SYNPR: variants seen among roughly 807,000 people sequenced by gnomAD.
SYNPR encodes synaptoporin.
A neutral mutation model predicts 32.9 loss-of-function variants in SYNPR; 23 were observed. The ratio of observed to expected loss-of-function variants is 0.70; its 90% CI spans 0.50 to 0.99. SYNPR has a LOEUF of 0.99. SYNPR is among the 50% of genes least tolerant of loss of function. The probability of loss-of-function intolerance (pLI) is 0.00; values close to 1 mark genes in which losing one functional copy is unlikely to be tolerated. For synonymous variants in SYNPR, 146 were observed against 135.9 expected, an observed-to-expected ratio of 1.07 and a Z score of -0.52; for missense variants, 318 against 349.3, an observed-to-expected ratio of 0.91 and a Z score of 0.71.
intron 3 of SYNPR, among the ~76,000 whole-genome samples, chr3:63,504,019 G>A (rs1701537927): frequency 6.6e-6 from 1 of 151,776 alleles, no homozygotes; most frequent in African/African-American, 2.4e-5. Flanking sequence ...GATTTTTATT[G>A]AAAACCTTAC....
At chr3:63,610,324 C>A in intron 5 of SYNPR, 1 of 442,672 alleles carries the variant, frequency 2.3e-6, no homozygotes, top group Non-Finnish European at 4.0e-6. Context: ...AAGAAAGAAG[C>A]TGTATCTGAG....
At chr3:63,308,944 T>G (rs1291789615) in intron 2 of SYNPR, among the ~76,000 whole-genome samples, 2 of 151,968 alleles carry the variant, frequency 1.3e-5, no homozygotes, top group Non-Finnish European at 2.9e-5. Context: ...CCGAATTTCC[T>G]TTTTGCCCTC....
intron 2 of SYNPR, among the ~76,000 whole-genome samples, chr3:63,471,701 G>T (rs1248457442): frequency 3.9e-5 from 6 of 152,150 alleles, no homozygotes; most frequent in Admixed American, 3.9e-4. Flanking sequence ...GGCTACTATT[G>T]AGGTAATCAG....
chr3:63,582,609 T>C (rs1451988136), intron 4 of SYNPR, among the ~76,000 whole-genome samples: 1 of 152,064 alleles, frequency 6.6e-6, no homozygotes, highest in Non-Finnish European at 1.5e-5. Flanking sequence ...TTTATTTTGG[T>C]AAAGGATTTT....
At chr3:63,318,897 G>C (rs1307844503) in intron 2 of SYNPR, among the ~76,000 whole-genome samples, 2 of 152,016 alleles carry the variant, frequency 1.3e-5, no homozygotes, top group African/African-American at 4.8e-5. Flanking sequence ...CTCTGTCAGA[G>C]GGAAGATCTG....
In SYNPR at chr3:63,615,629, C is replaced by A; in HGVS notation, c.*148C>A. ...CTAGTCTTCATTAAGGCAGCAAGTC[C>A]TGGGTTGTGAAAAATGATACTTAGA... On this transcript the variant is annotated 3_prime_UTR_variant, in exon 6 of 6. Coordinates refer to ENST00000478300, the MANE Select transcript of SYNPR (RefSeq NM_001130003.2). 1 of 1,105,398 alleles carries A rather than the reference C, an allele frequency of 9.0e-7. No homozygotes were observed. Among genetic ancestry groups the A allele is most frequent in the Non-Finnish European group, 1.3e-6 (1 of 796,362 alleles). The allele number at this position is 1,105,398 out of a possible 1,614,324, so 68.5% of individuals were successfully genotyped here. A position where few individuals can be genotyped will look rare whatever the true frequency, so the allele number is the denominator to read the frequency against.
At chr3:63,564,495 GGT>G (rs34157684) in intron 4 of SYNPR, among the ~76,000 whole-genome samples, 63,339 of 149,650 alleles carry the variant, frequency 0.42, 13,910 homozygotes, top group African/African-American at 0.56. Flanking sequence ...GTGCCCAGCC[GGT>G]GTGTGTGTGT....
chr3:63,505,366 C>G (rs1472159021), intron 3 of SYNPR, among the ~76,000 whole-genome samples: 1 of 152,188 alleles, frequency 6.6e-6, no homozygotes, highest in African/African-American at 2.4e-5. Flanking sequence ...AAATACCTGG[C>G]TCCAAAACAC....
chr3:63,532,378 CAAT>C (rs1378798021), intron 3 of SYNPR, among the ~76,000 whole-genome samples: 2 of 152,122 alleles, frequency 1.3e-5, no homozygotes, highest in African/African-American at 2.4e-5. Flanking sequence ...TTGCCATGAG[CAAT>C]AATAAGTTTT....
chr3:63,421,025 C>A (rs1328881913), intron 2 of SYNPR, among the ~76,000 whole-genome samples: 1 of 152,102 alleles, frequency 6.6e-6, no homozygotes, highest in East Asian at 1.9e-4. Flanking sequence ...TAACTACAGG[C>A]ACATACCACC....
intron 2 of SYNPR, among the ~76,000 whole-genome samples, chr3:63,307,596 C>A (rs930684820): frequency 6.6e-6 from 1 of 151,930 alleles, no homozygotes; most frequent in Non-Finnish European, 1.5e-5. Flanking sequence ...TTTCACCACC[C>A]TTCCTTTCCC....
chr3:63,464,300 A>C lies in SYNPR; in HGVS notation c.85-16532A>C, dbSNP rs146973391. On this transcript the variant is annotated intron_variant, in intron 2 of 5. Coordinates refer to ENST00000478300, the MANE Select transcript of SYNPR (RefSeq NM_001130003.2). ...TCATTGAAGAATTTAATTTACAAACACTCCCACTGTATGGGGGTTGCAGAG... is the reference window on the plus strand; with the variant it reads ...TCATTGAAGAATTTAATTTACAAACCCTCCCACTGTATGGGGGTTGCAGAG... Among the ~76,000 whole-genome samples, 5 of 151,950 alleles carry C rather than the reference A, an allele frequency of 3.3e-5. No homozygotes were observed. The East Asian group carries it at 7.8e-4, about 24-fold the overall frequency.
chr3:63,478,502 T>C (rs1386411893), intron 2 of SYNPR, among the ~76,000 whole-genome samples: 1 of 152,216 alleles, frequency 6.6e-6, no homozygotes, highest in East Asian at 1.9e-4. Context: ...AATATGACCA[T>C]GTATGTTACA....
At chr3:63,336,023 G>A (rs1246784889) in intron 2 of SYNPR, among the ~76,000 whole-genome samples, 1 of 152,002 alleles carries the variant, frequency 6.6e-6, no homozygotes, top group Non-Finnish European at 1.5e-5. Flanking sequence ...TGATCCGCCT[G>A]CCTCGGCCTC....
chr3:63,511,649 G>T (rs1415379424), intron 3 of SYNPR, among the ~76,000 whole-genome samples: 1 of 151,990 alleles, frequency 6.6e-6, no homozygotes, highest in African/African-American at 2.4e-5. Context: ...TCTGAGCATG[G>T]GCCTTTTATC....
At chr3:63,533,537 C>G (rs537584969) in intron 3 of SYNPR, among the ~76,000 whole-genome samples, 5 of 151,984 alleles carry the variant, frequency 3.3e-5, no homozygotes, top group Non-Finnish European at 5.9e-5. Flanking sequence ...ACAGAAATTA[C>G]CTTGGGGTAA....
chr3:63,239,047 C>T (rs756886934), intron 1 of SYNPR, among the ~76,000 whole-genome samples: 3 of 152,122 alleles, frequency 2.0e-5, no homozygotes, highest in Non-Finnish European at 4.4e-5. Context: ...ATGACGCAAA[C>T]TTCATCTTCC....
intron 2 of SYNPR, among the ~76,000 whole-genome samples, chr3:63,254,350 C>T (rs928218671): frequency 4.6e-5 from 7 of 152,172 alleles, no homozygotes; most frequent in African/African-American, 1.2e-4. Flanking sequence ...CTGGTTAATA[C>T]TTTAAATCAG....
At chr3:63,395,678 T>C (rs1372568737) in intron 2 of SYNPR, among the ~76,000 whole-genome samples, 2 of 152,226 alleles carry the variant, frequency 1.3e-5, no homozygotes, top group African/African-American at 2.4e-5. Flanking sequence ...CTAGCTATGA[T>C]AGATAACAAA....
Sources: allele counts gnomAD v4.1 joint callset (sites outside exome capture counted in the v4.1 genomes callset), GRCh38; gene constraint gnomAD v4.1.1; transcripts MANE v1.5; gene names NCBI Gene and HGNC (gene_info 2026-07-23, HGNC 2026-07-21).